The following LMNTD1 variants were observed in gnomAD, a reference collection of about 807,000 sequenced individuals.
LMNTD1 encodes lamin tail domain containing 1.
A neutral mutation model predicts 50.9 loss-of-function variants in LMNTD1; 35 were observed. The observed-to-expected ratio is 0.69, with a 90% CI of 0.53 to 0.91. LMNTD1 has a LOEUF of 0.91. Among genes scored for constraint, LMNTD1 ranks in the 40% least tolerant of loss-of-function variants. LMNTD1 has a pLI of 0.00. For synonymous variants in LMNTD1, 153 were observed against 161.9 expected (o/e 0.94, Z 0.42); for missense variants, 470 against 475.5 (o/e 0.99, Z 0.11).
intron 9 of LMNTD1, among the ~76,000 whole-genome samples, chr12:25,487,396 C>T (rs113043488): frequency 0.07 from 9,351 of 133,064 alleles, 427 homozygotes; most frequent in Middle Eastern, 0.096. Context: ...TAATGGCCTT[C>T]TTTGTCTCTT....
chr12:25,573,137 A>C (rs11048117), intron 1 of LMNTD1, among the ~76,000 whole-genome samples: 96,106 of 151,934 alleles, frequency 0.63, 34,972 homozygotes, highest in Non-Finnish European at 0.83. Context: ...CAGAGAATCC[A>C]TCTGGTCAGT....
intron 8 of LMNTD1, among the ~76,000 whole-genome samples, chr12:25,516,079 A>T (rs1176929144): frequency 1.3e-5 from 2 of 152,156 alleles, no homozygotes; most frequent in Admixed American, 6.5e-5. Flanking sequence ...TTTCAAGGAG[A>T]TGAACTGGTA....
At chr12:25,477,380 C>CT (rs1379534317) in intron 9 of LMNTD1, among the ~76,000 whole-genome samples, 1 of 151,712 alleles carries the variant, frequency 6.6e-6, no homozygotes, top group East Asian at 1.9e-4. Context: ...GAACATTGTT[C>CT]TAGTGGGGAT....
intron 4 of LMNTD1, among the ~76,000 whole-genome samples, chr12:25,529,525 C>T (rs968457799): frequency 5.9e-5 from 9 of 152,116 alleles, no homozygotes; most frequent in Admixed American, 2.0e-4. Flanking sequence ...CAATACTGTC[C>T]CAGTTTCTTA....
At chr12:25,631,090 G>C (rs1946708450) in intron 1 of LMNTD1, among the ~76,000 whole-genome samples, 1 of 152,086 alleles carries the variant, frequency 6.6e-6, no homozygotes, top group African/African-American at 2.4e-5. Flanking sequence ...ATCCGCCTAG[G>C]AACATAACTC....
intron 6 of LMNTD1, among the ~76,000 whole-genome samples, chr12:25,521,066 T>A (rs992849369): frequency 1.3e-5 from 2 of 152,210 alleles, no homozygotes; most frequent in Non-Finnish European, 2.9e-5. Context: ...TATTTGCTTT[T>A]CTGCTATTGA....
At chr12:25,554,390 A>G (rs189918256), upstream of LMNTD1, among the ~76,000 whole-genome samples, 5 of 152,222 alleles carry the variant, frequency 3.3e-5, no homozygotes, top group Non-Finnish European at 5.9e-5. Context: ...GAGAAATAAA[A>G]TTCTGTCAGC....
intron 1 of LMNTD1, among the ~76,000 whole-genome samples, chr12:25,617,119 T>C (rs1410445725): frequency 1.3e-5 from 2 of 152,108 alleles, no homozygotes; most frequent in Non-Finnish European, 2.9e-5. Flanking sequence ...AACTTACACG[T>C]CTAGTAAGAC....
At chr12:25,639,816 A>T (rs1471886385) in intron 1 of LMNTD1, among the ~76,000 whole-genome samples, 1 of 152,260 alleles carries the variant, frequency 6.6e-6, no homozygotes, top group Non-Finnish European at 1.5e-5. Context: ...CACAATAAAT[A>T]TAAAAACACA....
At chr12:25,565,051 C>T in intron 1 of LMNTD1, among the ~76,000 whole-genome samples, 1 of 152,088 alleles carries the variant, frequency 6.6e-6, no homozygotes, top group Non-Finnish European at 1.5e-5. Flanking sequence ...GCTCTGCCTG[C>T]TCTTCTCTTG....
intron 9 of LMNTD1, among the ~76,000 whole-genome samples, chr12:25,495,670 T>C (rs771142955): frequency 2.0e-5 from 3 of 152,198 alleles, no homozygotes; most frequent in Non-Finnish European, 4.4e-5. Context: ...TAGTCCTGCA[T>C]GAACATCAAC....
At chr12:25,624,560 G>A (rs1404964314) in intron 1 of LMNTD1, among the ~76,000 whole-genome samples, 1 of 132,970 alleles carries the variant, frequency 7.5e-6, no homozygotes, top group African/African-American at 2.6e-5. Flanking sequence ...AGAAAATAAA[G>A]TACTACTTCT....
At chr12:25,645,358 A>G (rs1289213080) in intron 1 of LMNTD1, among the ~76,000 whole-genome samples, 4 of 152,236 alleles carry the variant, frequency 2.6e-5, no homozygotes, top group Non-Finnish European at 5.9e-5. Context: ...AGAGGTTTCA[A>G]TAATTAAGGA....
At chr12:25,576,179 C>G (rs374817447) in intron 1 of LMNTD1, among the ~76,000 whole-genome samples, 14 of 152,174 alleles carry the variant, frequency 9.2e-5, no homozygotes, top group African/African-American at 2.9e-4. Flanking sequence ...ATAGCAGCAT[C>G]ATTTATAATC....
intron 6 of LMNTD1, among the ~76,000 whole-genome samples, chr12:25,521,701 T>C (rs1293877344): frequency 6.6e-6 from 1 of 152,148 alleles, no homozygotes; most frequent in Non-Finnish European, 1.5e-5. Flanking sequence ...AATGGTAACA[T>C]GAAAAAGTTA....
At chr12:25,640,146 G>T (rs150968135) in intron 1 of LMNTD1, among the ~76,000 whole-genome samples, 24 of 152,232 alleles carry the variant, frequency 1.6e-4, no homozygotes, top group Admixed American at 2.6e-4. Flanking sequence ...TAGGTGACTT[G>T]GGGGGAGAGG....
chr12:25,561,081 T>C (rs1944290668), intron 1 of LMNTD1, among the ~76,000 whole-genome samples: 2 of 152,198 alleles, frequency 1.3e-5, no homozygotes, highest in African/African-American at 4.8e-5. Flanking sequence ...TGTTGATCTT[T>C]TCAAAACACC....
At chr12:25,505,823 A>G (rs1939728645) in intron 8 of LMNTD1, among the ~76,000 whole-genome samples, 1 of 152,132 alleles carries the variant, frequency 6.6e-6, no homozygotes, top group Non-Finnish European at 1.5e-5. Flanking sequence ...ATTAACTCAT[A>G]TAATTTCTAG....
chr12:25,537,916 C>T (rs1389765381), intron 4 of LMNTD1, among the ~76,000 whole-genome samples: 11 of 146,476 alleles, frequency 7.5e-5, no homozygotes, highest in African/African-American at 2.5e-4. Flanking sequence ...TCGAGAACTA[C>T]GTGAAGAATG....
Sources: allele counts gnomAD v4.1 joint callset (sites outside exome capture counted in the v4.1 genomes callset), GRCh38; gene constraint gnomAD v4.1.1; transcripts MANE v1.5; gene names NCBI Gene and HGNC (gene_info 2026-07-23, HGNC 2026-07-21).